MAP3K7: variants seen among roughly 807,000 people sequenced by gnomAD.
The protein encoded by MAP3K7 is TGF-beta activated kinase 1.
In MAP3K7, 21 loss-of-function variants were observed where a neutral mutation model predicts 84.8. The observed-to-expected ratio is 0.25, with a 90% confidence interval of 0.18 to 0.36. The LOEUF (loss-of-function observed/expected upper bound fraction) is 0.36. MAP3K7 is among the 10% of genes least tolerant of loss of function. The probability of loss-of-function intolerance (pLI) is 1.00; values close to 1 mark genes in which losing one functional copy is unlikely to be tolerated. For synonymous variants in MAP3K7, 241 were observed against 247.7 expected (o/e 0.97, Z 0.25); for missense variants, 503 against 747.7 (o/e 0.67, Z 3.82).
intron 12 of MAP3K7, among the ~76,000 whole-genome samples, chr6:90,540,219 T>C (rs1775811955): frequency 6.6e-6 from 1 of 151,858 alleles, no homozygotes; most frequent in South Asian, 2.1e-4. Flanking sequence ...GAAAATCCTC[T>C]TTGGTCAAGG....
At chr6:90,562,875 C>A (rs181020887) in intron 3 of MAP3K7, among the ~76,000 whole-genome samples, 3 of 152,154 alleles carry the variant, frequency 2.0e-5, no homozygotes, top group African/African-American at 7.2e-5. Flanking sequence ...TGAGACGAAG[C>A]TTCCAGAGGA....
At chr6:90,573,119 G>A (rs1776959966) in intron 1 of MAP3K7, among the ~76,000 whole-genome samples, 1 of 152,158 alleles carries the variant, frequency 6.6e-6, no homozygotes, top group Non-Finnish European at 1.5e-5. Context: ...TACAGTTGAA[G>A]TGCCTAGCTT....
At chr6:90,563,729 T>C (rs974993821) in intron 3 of MAP3K7, among the ~76,000 whole-genome samples, 2 of 152,078 alleles carry the variant, frequency 1.3e-5, no homozygotes, top group African/African-American at 4.8e-5. Flanking sequence ...GCCACAAAGA[T>C]ACTCCTCGAG....
At chr6:90,555,261 CT>C (rs377271264) in intron 6 of MAP3K7, among the ~76,000 whole-genome samples, 1,876 of 145,778 alleles carry the variant, frequency 0.013, 21 homozygotes, top group Non-Finnish European at 0.019. Context: ...TACTTGCATT[CT>C]TTTTTTTTTT....
intron 6 of MAP3K7, among the ~76,000 whole-genome samples, chr6:90,555,531 A>G (rs896704218): frequency 1.3e-5 from 2 of 152,198 alleles, no homozygotes; most frequent in Non-Finnish European, 2.9e-5. Context: ...CTGAGATTAC[A>G]GGCCTGAGCC....
At position 90,546,330 on chromosome 6, in the gene MAP3K7, G is replaced by A. The variant is rs35976144; in HGVS notation, c.1210+928C>T. On this transcript the variant is annotated intron_variant, in intron 11 of 16. Coordinates refer to ENST00000369329, the MANE Select transcript of MAP3K7 (RefSeq NM_145331.3). ...AGTGAAAAAAAGACCTAAAAAATTGGTTAGCTAAGTTAAAAAAGATGCAAA... is the reference window on the plus strand; with the variant it reads ...AGTGAAAAAAAGACCTAAAAAATTGATTAGCTAAGTTAAAAAAGATGCAAA... Among the ~76,000 whole-genome samples, 833 of 152,034 alleles carry A rather than the reference G, an allele frequency of 5.5e-3. 5 individuals are homozygous for A. Among genetic ancestry groups the A allele is most frequent in the Admixed American group, 0.012 (178 of 15,252 alleles).
intron 2 of MAP3K7, among the ~76,000 whole-genome samples, chr6:90,571,452 T>C (rs1336772078): frequency 6.6e-6 from 1 of 152,100 alleles, no homozygotes; most frequent in African/African-American, 2.4e-5. Flanking sequence ...ATTCCATGGA[T>C]GAAACTGTTT....
chr6:90,546,049 T>C lies in MAP3K7; in HGVS notation c.1210+1209A>G, dbSNP rs35981660. On this transcript the variant is annotated intron_variant, in intron 11 of 16. Transcript: ENST00000369329. ...TACAGTAGGGATTACAGCACAGAAA[T>C]AGGAGACCAGTTACTTCAAGATCAC... is the stretch of plus-strand genomic sequence containing the variant. Among the ~76,000 whole-genome samples, 169 of 152,254 alleles carry C rather than the reference T, an allele frequency of 1.1e-3. 1 individual carries two copies. The highest frequency in any genetic ancestry group is 3.7e-3 in the African/African-American group (153 of 41,550).
At chr6:90,538,289 C>A (rs1582182481) in intron 12 of MAP3K7, among the ~76,000 whole-genome samples, 1 of 151,928 alleles carries the variant, frequency 6.6e-6, no homozygotes, top group African/African-American at 2.4e-5. Context: ...AATCAACCTC[C>A]TATTACTTCA....
chr6:90,532,674 G>A (rs1047533302), intron 13 of MAP3K7, among the ~76,000 whole-genome samples: 1 of 152,044 alleles, frequency 6.6e-6, no homozygotes, highest in African/African-American at 2.4e-5. Flanking sequence ...GGGTATTCAG[G>A]CATTTATAAG....
chr6:90,525,771 T>A (rs1775302022), intron 13 of MAP3K7, among the ~76,000 whole-genome samples: 1 of 151,956 alleles, frequency 6.6e-6, no homozygotes, highest in Non-Finnish European at 1.5e-5. Context: ...TCTTGCTACG[T>A]TCCCAGGCTG....
chr6:90,571,125 T>G (rs1776885591), intron 2 of MAP3K7, among the ~76,000 whole-genome samples: 1 of 152,108 alleles, frequency 6.6e-6, no homozygotes, highest in South Asian at 2.1e-4. Context: ...ATAAAAACAT[T>G]GATTTAACTA....
intron 1 of MAP3K7, among the ~76,000 whole-genome samples, chr6:90,580,739 T>C (rs1312345007): frequency 6.6e-6 from 1 of 152,226 alleles, no homozygotes; most frequent in Non-Finnish European, 1.5e-5. Context: ...AATGGTGACA[T>C]ACAAATAAAT....
intron 1 of MAP3K7, among the ~76,000 whole-genome samples, chr6:90,573,195 T>G (rs1776961680): frequency 6.6e-6 from 1 of 152,190 alleles, no homozygotes; most frequent in African/African-American, 2.4e-5. Context: ...TGATGCCAGG[T>G]AGTCTAACAC....
At chr6:90,564,985 A>C (rs1214975969) in intron 3 of MAP3K7, among the ~76,000 whole-genome samples, 3 of 152,248 alleles carry the variant, frequency 2.0e-5, no homozygotes, top group Non-Finnish European at 4.4e-5. Flanking sequence ...ATGAAGGCAG[A>C]AATAAAGATG....
In MAP3K7 at chr6:90,550,508, C is replaced by T. The variant is rs1177802427; in HGVS notation, c.909G>A (p.Gln303=). ...AGTTGCTCTGTCCTTCATCTGAATA[C>T]TGACAAGGATACTGTAATGGCTCAT... ...GADEPLQYPC[Q]YSDEGQSNSA... is the part of the protein sequence containing the mutation. The change falls in exon 9 of 17, where the codon CAG becomes CAA. Residue 303 remains glutamine, a synonymous_variant. Coordinates refer to ENST00000369329, the MANE Select transcript of MAP3K7 (RefSeq NM_145331.3). The T allele has an allele frequency of 1.2e-6, 2 of 1,611,860 alleles. No homozygotes were observed. Among genetic ancestry groups the T allele is most frequent in the Non-Finnish European group, 8.5e-7 (1 of 1,178,528 alleles).
intron 1 of MAP3K7, among the ~76,000 whole-genome samples, chr6:90,586,236 G>A (rs1312384843): frequency 6.6e-6 from 1 of 151,578 alleles, no homozygotes; most frequent in Non-Finnish European, 1.5e-5. Flanking sequence ...GCCAGGCGCG[G>A]TGGCGGGCGC....
chr6:90,522,407 C>T (rs806280), intron 14 of MAP3K7, among the ~76,000 whole-genome samples: 4,112 of 152,006 alleles, frequency 0.027, 69 homozygotes, highest in Middle Eastern at 0.044. Flanking sequence ...GTACCAGACC[C>T]GGGCAAATGC....
At chr6:90,542,350 A>C (rs1306959965) in intron 12 of MAP3K7, 1 of 983,974 alleles carries the variant, frequency 1.0e-6, no homozygotes, top group Non-Finnish European at 1.2e-6. Flanking sequence ...TTAATGTTTG[A>C]TATCTGAGGG....
Sources: allele counts gnomAD v4.1 joint callset (sites outside exome capture counted in the v4.1 genomes callset), GRCh38; gene constraint gnomAD v4.1.1; transcripts MANE v1.5; gene names NCBI Gene and HGNC (gene_info 2026-07-23, HGNC 2026-07-21).